Variants in MAD1L1 observed in about 807,000 individuals in gnomAD.
MAD1L1 encodes the protein mitotic arrest deficient 1 like 1.
A neutral mutation model predicts 96.9 loss-of-function variants in MAD1L1; 95 were observed. That is an observed-to-expected ratio of 0.98 (90% CI 0.83 to 1.16). The LOEUF is 1.16. MAD1L1 is among the 50% of genes most tolerant of loss of function. The pLI, the probability that MAD1L1 is intolerant of heterozygous loss-of-function variation, is 0.00. For synonymous variants in MAD1L1, 473 were observed against 396.6 expected, an observed-to-expected ratio of 1.19 and a Z score of -2.29; for missense variants, 1,007 against 954.4, an observed-to-expected ratio of 1.06 and a Z score of -0.73.
At chr7:2,098,058 C>T (rs1197851482) in intron 11 of MAD1L1, among the ~76,000 whole-genome samples, 5 of 152,192 alleles carry the variant, frequency 3.3e-5, no homozygotes, top group African/African-American at 9.6e-5. Flanking sequence ...ATCACTCATG[C>T]GGCGGCTCCA....
intron 12 of MAD1L1, among the ~76,000 whole-genome samples, chr7:2,051,321 G>A (rs1401719877): frequency 6.6e-6 from 1 of 152,172 alleles, no homozygotes; most frequent in African/African-American, 2.4e-5. Flanking sequence ...AAAGCTGAGG[G>A]GGACTGGGAA....
chr7:2,225,208 T>G (rs1247986624), intron 4 of MAD1L1, among the ~76,000 whole-genome samples: 1 of 151,972 alleles, frequency 6.6e-6, no homozygotes, highest in Non-Finnish European at 1.5e-5. Context: ...GGTTCTCATT[T>G]CCTACGGCCT....
intron 18 of MAD1L1, among the ~76,000 whole-genome samples, chr7:1,836,661 G>C (rs1270017761): frequency 6.6e-6 from 1 of 152,150 alleles, no homozygotes; most frequent in Non-Finnish European, 1.5e-5. Context: ...TATAGAGTCA[G>C]CGTAATTCCA....
chr7:2,092,676 T>C (rs1786277773), intron 11 of MAD1L1, among the ~76,000 whole-genome samples: 1 of 152,260 alleles, frequency 6.6e-6, no homozygotes, highest in Non-Finnish European at 1.5e-5. Context: ...GAAGGCCTTA[T>C]ATATTCTGGA....
At chr7:2,071,832 G>C (rs941458485) in intron 11 of MAD1L1, among the ~76,000 whole-genome samples, 7 of 152,140 alleles carry the variant, frequency 4.6e-5, no homozygotes, top group African/African-American at 1.7e-4. Flanking sequence ...ACTCTTCCCG[G>C]AGGGTGGCGG....
intron 11 of MAD1L1, among the ~76,000 whole-genome samples, chr7:2,097,562 A>T (rs2128548928): frequency 6.6e-6 from 1 of 152,302 alleles, no homozygotes; most frequent in South Asian, 2.1e-4. Flanking sequence ...GCAGTGAATG[A>T]GAAAGTGCTT....
At chr7:1,861,194 G>T (rs1784527551) in intron 18 of MAD1L1, among the ~76,000 whole-genome samples, 1 of 152,174 alleles carries the variant, frequency 6.6e-6, no homozygotes, top group Non-Finnish European at 1.5e-5. Context: ...TGAGGCTGGG[G>T]CTCGGCCACG....
chr7:2,139,686 G>T (rs1485091972), intron 11 of MAD1L1, among the ~76,000 whole-genome samples: 1 of 152,226 alleles, frequency 6.6e-6, no homozygotes, highest in Non-Finnish European at 1.5e-5. Flanking sequence ...CTTCAAGGCT[G>T]ATGGGGGAGG....
chr7:1,924,252 C>T (rs1035070602), intron 17 of MAD1L1, among the ~76,000 whole-genome samples: 2 of 152,228 alleles, frequency 1.3e-5, no homozygotes, highest in Non-Finnish European at 2.9e-5. Flanking sequence ...CACATCACCA[C>T]AGGAGTCCTT....
chr7:1,950,820 C>A (rs1779459822), intron 16 of MAD1L1, among the ~76,000 whole-genome samples: 2 of 152,232 alleles, frequency 1.3e-5, no homozygotes, highest in South Asian at 4.1e-4. Context: ...CCAGTGAGCA[C>A]CGCGGTGGGT....
At chr7:2,117,306 C>G (rs1787756795) in intron 11 of MAD1L1, among the ~76,000 whole-genome samples, 1 of 152,200 alleles carries the variant, frequency 6.6e-6, no homozygotes. Context: ...ACAGGCAGTC[C>G]AGCTCCACAA....
intron 10 of MAD1L1, among the ~76,000 whole-genome samples, chr7:2,159,147 A>G (rs1308407035): frequency 1.3e-5 from 2 of 152,178 alleles, no homozygotes; most frequent in Admixed American, 6.5e-5. Context: ...AGCCCCATCC[A>G]TAAGCCCAAA....
In MAD1L1 at chr7:1,897,916, C is replaced by A. The variant is rs372373978; in HGVS notation, c.1998+284G>T. 2.0e-5 allele frequency among the ~76,000 whole-genome samples: 3 copies of A among 152,244 alleles called. No homozygotes were observed. The East Asian group carries it at 5.8e-4, about 29-fold the overall frequency. ...GCCTACGGCCGCAGCCCTCATGGAACGAAGCCCAAGTTGCGACAGACAGAG... is the reference window on the plus strand; with the variant it reads ...GCCTACGGCCGCAGCCCTCATGGAAAGAAGCCCAAGTTGCGACAGACAGAG... On this transcript the variant is annotated intron_variant, in intron 18 of 18. Coordinates refer to ENST00000265854, the MANE Select transcript of MAD1L1 (RefSeq NM_001013836.2).
At chr7:1,987,504 T>TGCTG (rs1460859308) in intron 14 of MAD1L1, among the ~76,000 whole-genome samples, 2 of 151,910 alleles carry the variant, frequency 1.3e-5, no homozygotes, top group Admixed American at 6.6e-5. Context: ...GAGTCTGCTC[T>TGCTG]GCTGTCCGCC....
chr7:2,167,363 C>T (rs559005776), intron 10 of MAD1L1, among the ~76,000 whole-genome samples: 2 of 151,436 alleles, frequency 1.3e-5, no homozygotes, highest in African/African-American at 2.4e-5. Flanking sequence ...CTGGCTAACA[C>T]GGTGAAACCC....
At chr7:1,855,803 C>T (rs1198997707) in intron 18 of MAD1L1, among the ~76,000 whole-genome samples, 1 of 152,184 alleles carries the variant, frequency 6.6e-6, no homozygotes, top group Non-Finnish European at 1.5e-5. Context: ...CTCCCACTCC[C>T]CAGCTCCAGA....
intron 10 of MAD1L1, among the ~76,000 whole-genome samples, chr7:2,162,459 G>A (rs1041060557): frequency 3.3e-5 from 5 of 152,044 alleles, no homozygotes; most frequent in Admixed American, 6.5e-5. Context: ...GCGGAAGGCC[G>A]CAGGGACCTC....
rs563532852 is a variant in MAD1L1, at chr7:2,103,010, G to A, written c.1074-33672C>T. Among the ~76,000 whole-genome samples the A allele has an allele frequency of 2.0e-5, 3 of 152,320 alleles. No homozygotes were observed. The highest frequency in any genetic ancestry group is 2.0e-4 in the Admixed American group (3 of 15,296). On this transcript the variant is annotated intron_variant, in intron 11 of 18. Transcript: ENST00000265854. This position sits in a 1 kb window ranked among gnomAD's most constrained non-coding sequence, Gnocchi z 4.3. ...CTCAGGACATCAGCTCCACAACTCA[G>A]AGGAGGCAGCCTCCGTGATGCTGCC...
chr7:1,995,374 C>T (rs1246281485), intron 14 of MAD1L1, among the ~76,000 whole-genome samples: 1 of 152,202 alleles, frequency 6.6e-6, no homozygotes, highest in Non-Finnish European at 1.5e-5. Flanking sequence ...TGGATCTTCC[C>T]AGCACACGAA....
Sources: gnomAD v4.1 joint callset for allele counts (sites outside exome capture counted in the v4.1 genomes callset) on GRCh38, gnomAD v4.1.1 for gene constraint, Gnocchi (gnomAD v3.1) non-coding constraint, MANE v1.5 for transcripts, NCBI Gene and HGNC (gene_info 2026-07-23, HGNC 2026-07-21) for gene names.